RNF38: variants seen among roughly 807,000 people sequenced by gnomAD.
The protein encoded by RNF38 is E3 ubiquitin-protein ligase RNF38.
Under a neutral mutation model 67.2 loss-of-function variants are expected in RNF38, and 15 were observed. The observed-to-expected ratio is 0.22, with a 90% CI of 0.15 to 0.34. RNF38 has a LOEUF of 0.34. RNF38 is among the 10% of genes least tolerant of loss of function. The pLI is 1.00. For missense variants in RNF38, 524 were observed against 639.9 expected (o/e 0.82, Z 1.95); for synonymous variants, 220 against 218.8 (o/e 1.01, Z -0.05).
intron 2 of RNF38, among the ~76,000 whole-genome samples, chr9:36,387,208 C>A (rs1360893521): frequency 1.3e-5 from 2 of 152,146 alleles, no homozygotes; most frequent in African/African-American, 4.8e-5. Context: ...GGGCTGCTCT[C>A]CTTTACTTTC....
Position 36,390,453 on chromosome 9 carries a change from A to G in RNF38, c.162+14T>C. 6.2e-7 allele frequency: 1 copy of G among 1,607,898 alleles called. No individual in the cohort carries two copies. Among genetic ancestry groups the G allele is most frequent in the Non-Finnish European group, 8.5e-7 (1 of 1,177,326 alleles). On this transcript the variant is annotated intron_variant, in intron 2 of 11. Transcript: ENST00000259605. ...TTTCAGCCCTATGTAGGGAAAGGGT[A>G]AATATATAAGAACCTGGAAGAAAGC...
In RNF38 at chr9:36,347,143, G is replaced by C. The variant is rs1299892351; in HGVS notation, c.1264-2190C>G. Among the ~76,000 whole-genome samples, 17 of 54,350 alleles carry C rather than the reference G, an allele frequency of 3.1e-4. No homozygotes were observed. The East Asian group carries it at 3.7e-3, about 12-fold the overall frequency. 35.7% of individuals were successfully genotyped at this position (54,350 alleles called of 152,430 possible). On this transcript the variant is annotated intron_variant, in intron 9 of 11. Coordinates refer to ENST00000259605, the MANE Select transcript of RNF38 (RefSeq NM_022781.5). ...CTCGGGGGGGGGGGGGGGGGGGGGG[G>C]GGGGGGAAGTAAATTGCCAAATTGA...
intron 4 of RNF38, among the ~76,000 whole-genome samples, chr9:36,369,162 G>C (rs544439408): frequency 3.4e-4 from 52 of 152,298 alleles, no homozygotes; most frequent in African/African-American, 1.2e-3. Flanking sequence ...TCAGTTGTCT[G>C]CTATTTCCTA....
upstream of RNF38, among the ~76,000 whole-genome samples, chr9:36,404,589 T>C (rs1266811528): frequency 6.6e-6 from 1 of 152,256 alleles, no homozygotes; most frequent in African/African-American, 2.4e-5. Flanking sequence ...TCTTTAATTC[T>C]TTCAATAATG....
chr9:36,351,033 A>C, intron 9 of RNF38, 82 bp downstream of exon 9: 1 of 967,218 alleles, frequency 1.0e-6, no homozygotes, highest in Non-Finnish European at 1.6e-6. Flanking sequence ...AAGATTGGAC[A>C]CCTGTGGTTT....
chr9:36,336,575 ATATT>A lies in RNF38; in HGVS notation c.*3173_*3176del, dbSNP rs1488557478. On this transcript the variant is annotated 3_prime_UTR_variant, in exon 12 of 12. Coordinates refer to ENST00000259605, the MANE Select transcript of RNF38 (RefSeq NM_022781.5). ...AAGCCTTCAAATGATTTGGTTACAG[ATATT>A]TATAATACATACATTTAAAACTATA... The A allele has an allele frequency of 6.6e-6, 1 of 152,650 alleles. No individual in the cohort carries two copies. Among genetic ancestry groups the A allele is most frequent in the Non-Finnish European group, 1.5e-5 (1 of 68,046 alleles). 9.5% of individuals were successfully genotyped at this position (152,650 alleles called of 1,614,324 possible).
At chr9:36,372,220 C>T (rs1456332478) in intron 3 of RNF38, among the ~76,000 whole-genome samples, 1 of 152,250 alleles carries the variant, frequency 6.6e-6, no homozygotes, top group Admixed American at 6.5e-5. Context: ...TGAGCCACCG[C>T]GCCCAGCTGA....
intron 2 of RNF38, among the ~76,000 whole-genome samples, chr9:36,406,830 T>C (rs1485322238): frequency 6.6e-6 from 1 of 152,192 alleles, no homozygotes; most frequent in Admixed American, 6.5e-5. Flanking sequence ...TAAGTTTCCT[T>C]TCTTCCTCCA....
rs1170955335 is a variant in RNF38 at position 36,467,217 on chromosome 9, C to CAT, written n.241+20089_241+20090dup. ...ACTGCAACTAATCTGATTGCTATTACATATATATATATATAATATATATAT... is the reference window on the plus strand; with the variant it reads ...ACTGCAACTAATCTGATTGCTATTACATATATATATATATATAATATATATAT... On this transcript the variant is annotated intron_variant and non_coding_transcript_variant, in intron 1 of 3. Coordinates refer to the RNF38 transcript ENST00000488058. Among the ~76,000 whole-genome samples, 225 of 52,490 alleles carry CAT rather than the reference C, an allele frequency of 4.3e-3. 2 individuals are homozygous for CAT. Among genetic ancestry groups the CAT allele is most frequent in the African/African-American group, 0.012 (163 of 13,162 alleles). The allele number at this position is 52,490 out of a possible 152,430, so 34.4% of individuals were successfully genotyped here.
At chr9:36,450,851 T>C (rs1462545296) in intron 1 of RNF38, among the ~76,000 whole-genome samples, 1 of 151,496 alleles carries the variant, frequency 6.6e-6, no homozygotes, top group African/African-American at 2.4e-5. Context: ...GAGGTGGAGG[T>C]TGCGGTAAGC....
Position 36,357,962 on chromosome 9 carries a change from T to C in RNF38, c.571-20A>G, listed in dbSNP as rs138448906. ...ATGGAGCTTTAAAGGAAAAAACAAA[T>C]GAACAAACTTTAGCTGTTTAGATAA... On this transcript the variant is annotated intron_variant, in intron 4 of 11. Transcript: ENST00000259605. 151 of 1,599,386 alleles carry C rather than the reference T, an allele frequency of 9.4e-5. No homozygotes were observed. The East Asian group carries it at 3.2e-3, about 33-fold the overall frequency.
At chr9:36,417,750 A>G (rs1838512938) in intron 2 of RNF38, among the ~76,000 whole-genome samples, 1 of 152,030 alleles carries the variant, frequency 6.6e-6, no homozygotes, top group Non-Finnish European at 1.5e-5. Context: ...GCCCCAAGTG[A>G]CCTGCCTGCC....
At chr9:36,352,343 T>C (rs1309199385) in intron 8 of RNF38, among the ~76,000 whole-genome samples, 1 of 151,324 alleles carries the variant, frequency 6.6e-6, no homozygotes, top group Non-Finnish European at 1.5e-5. Flanking sequence ...CCCATGGGAA[T>C]TTCTGTTACA....
rs571385068 is a variant in RNF38 at position 36,481,036 on chromosome 9, A to G, written n.241+6272T>C. On this transcript the variant is annotated intron_variant and non_coding_transcript_variant, in intron 1 of 3. Transcript: ENST00000488058. ...TCTTTCTTTTTTTTTTTTTTTTGAG[A>G]CAGAGTCTTGCTCTGTCACCCAGGC... Among the ~76,000 whole-genome samples, 935 of 143,014 alleles carry G rather than the reference A, an allele frequency of 6.5e-3. 9 individuals are homozygous for G. The highest frequency in any genetic ancestry group is 0.023 in the African/African-American group (874 of 37,818). The allele number at this position is 143,014 out of a possible 152,430, so 93.8% of individuals were successfully genotyped here.
intron 1 of RNF38, among the ~76,000 whole-genome samples, chr9:36,476,009 CAAAAAAA>C (rs139323204): frequency 3.7e-5 from 4 of 109,450 alleles, no homozygotes; most frequent in Non-Finnish European, 7.6e-5. Context: ...ACTCTGTTTC[CAAAAAAA>C]AAAAAAAAAA....
At chr9:36,406,679 T>G (rs926024373) in intron 2 of RNF38, among the ~76,000 whole-genome samples, 2 of 152,222 alleles carry the variant, frequency 1.3e-5, no homozygotes, top group African/African-American at 4.8e-5. Flanking sequence ...CAGTGGCTGA[T>G]TCTACGTTTC....
Position 36,339,826 on chromosome 9 carries a change from A to G in RNF38, c.1486-12T>C. 1 of 1,608,010 alleles carries G rather than the reference A, an allele frequency of 6.2e-7. No individual in the cohort carries two copies. Among genetic ancestry groups the G allele is most frequent in the Non-Finnish European group, 8.5e-7 (1 of 1,175,870 alleles). On this transcript the variant is annotated splice_polypyrimidine_tract_variant and intron_variant, in intron 11 of 11. Coordinates refer to ENST00000259605, the MANE Select transcript of RNF38 (RefSeq NM_022781.5). Reference sequence around the variant, plus strand: ...CAAGTACGATTTGCCTACAAAACAAAAAGGAAAACTTGTTTAAATTGTGAC... The same window carrying G: ...CAAGTACGATTTGCCTACAAAACAAGAAGGAAAACTTGTTTAAATTGTGAC...
intron 7 of RNF38, 91 bp downstream of exon 7, chr9:36,353,079 A>T: frequency 2.6e-6 from 3 of 1,166,562 alleles, no homozygotes; most frequent in Non-Finnish European, 3.8e-6. Context: ...AATACATATA[A>T]TTCTAAATAT....
intron 9 of RNF38, among the ~76,000 whole-genome samples, chr9:36,348,075 C>CA (rs1325336202): frequency 2.0e-5 from 3 of 151,452 alleles, no homozygotes; most frequent in Admixed American, 6.6e-5. Context: ...GATTCCGTCT[C>CA]AAAAAAACAA....
Sources: gnomAD v4.1 joint callset for allele counts (sites outside exome capture counted in the v4.1 genomes callset) on GRCh38, gnomAD v4.1.1 for gene constraint, MANE v1.5 for transcripts, NCBI Gene and HGNC (gene_info 2026-07-23, HGNC 2026-07-21) for gene names.